The following HS6ST3 variants were observed in gnomAD, a reference collection of about 807,000 sequenced individuals.
The protein encoded by HS6ST3 is heparan-sulfate 6-O-sulfotransferase 3.
HS6ST3 carries 12 observed loss-of-function variants against 36.7 expected under a neutral mutation model. That is an observed-to-expected ratio of 0.33 (90% CI 0.21 to 0.53). The LOEUF is 0.53. Ranked by LOEUF, HS6ST3 falls within the 20% of genes least tolerant of loss-of-function variation. HS6ST3 has a pLI of 0.95. For missense variants in HS6ST3, 584 were observed against 640.9 expected, an observed-to-expected ratio of 0.91 and a Z score of 0.96; for synonymous variants, 240 against 257.5, an observed-to-expected ratio of 0.93 and a Z score of 0.65.
chr13:96,592,573 TC>T (rs2138976368), intron 1 of HS6ST3, among the ~76,000 whole-genome samples: 1 of 152,312 alleles, frequency 6.6e-6, no homozygotes, highest in Admixed American at 6.5e-5. Context: ...ACTAAAATAC[TC>T]CCTTTAGCAT....
chr13:96,358,725 T>C (rs1033399108), intron 1 of HS6ST3, among the ~76,000 whole-genome samples: 1 of 152,172 alleles, frequency 6.6e-6, no homozygotes, highest in East Asian at 1.9e-4. Flanking sequence ...TATCAGTTTA[T>C]ATATTGAATT....
intron 1 of HS6ST3, among the ~76,000 whole-genome samples, chr13:96,657,004 A>T (rs1240686061): frequency 4.1e-5 from 6 of 147,766 alleles, no homozygotes; most frequent in African/African-American, 1.5e-4. Flanking sequence ...TGTGTGAGAG[A>T]GAGAGAGAGA....
intron 1 of HS6ST3, among the ~76,000 whole-genome samples, chr13:96,776,025 G>A (rs1332083663): frequency 6.6e-6 from 1 of 152,104 alleles, no homozygotes; most frequent in Non-Finnish European, 1.5e-5. Flanking sequence ...TAGAACTCAG[G>A]ATTAAGAAAT....
intron 1 of HS6ST3, among the ~76,000 whole-genome samples, chr13:96,435,549 T>C (rs1594779676): frequency 6.6e-6 from 1 of 152,312 alleles, no homozygotes; most frequent in African/African-American, 2.4e-5. Context: ...AACAAATAAC[T>C]TAGGGCCATT....
chr13:96,642,867 A>G (rs1243378434), intron 1 of HS6ST3, among the ~76,000 whole-genome samples: 1 of 151,952 alleles, frequency 6.6e-6, no homozygotes, highest in East Asian at 1.9e-4. Context: ...ACTGATTTAA[A>G]GTCTTTGTAG....
chr13:96,523,569 CA>C (rs2056102161), intron 1 of HS6ST3, among the ~76,000 whole-genome samples: 1 of 152,036 alleles, frequency 6.6e-6, no homozygotes, highest in East Asian at 1.9e-4. Flanking sequence ...CATTTCCTTT[CA>C]CTCTTTTTTT....
chr13:96,765,085 G>A (rs1205294426), intron 1 of HS6ST3, among the ~76,000 whole-genome samples: 2 of 24,126 alleles, frequency 8.3e-5, no homozygotes, highest in Admixed American at 4.5e-4. Context: ...TTTTTTTTTT[G>A]AGACGGAGTC....
chr13:96,578,137 C>T (rs1485169161), intron 1 of HS6ST3, among the ~76,000 whole-genome samples: 1 of 152,202 alleles, frequency 6.6e-6, no homozygotes, highest in African/African-American at 2.4e-5. Context: ...TCCTCCCACA[C>T]AAGTCCAGCA....
intron 1 of HS6ST3, among the ~76,000 whole-genome samples, chr13:96,341,448 A>T (rs1197989139): frequency 6.6e-6 from 1 of 152,198 alleles, no homozygotes; most frequent in Admixed American, 6.5e-5. Flanking sequence ...CCATATATAA[A>T]TCAATAATTT....
At chr13:96,770,386 A>G (rs547642848) in intron 1 of HS6ST3, among the ~76,000 whole-genome samples, 26 of 152,312 alleles carry the variant, frequency 1.7e-4, no homozygotes, top group South Asian at 4.1e-4. Flanking sequence ...ATTTTTTTAA[A>G]TGACTAGAAA....
At chr13:96,535,124 A>G (rs1207802733) in intron 1 of HS6ST3, among the ~76,000 whole-genome samples, 2 of 152,148 alleles carry the variant, frequency 1.3e-5, no homozygotes, top group African/African-American at 2.4e-5. Flanking sequence ...ATAATGTGGA[A>G]ATAGAAGTGT....
chr13:96,476,448 C>T (rs112072291), intron 1 of HS6ST3, among the ~76,000 whole-genome samples: 2,713 of 152,192 alleles, frequency 0.018, 67 homozygotes, highest in Admixed American at 0.062. Flanking sequence ...CTGCAACCTC[C>T]GCCTCCCAGG....
intron 1 of HS6ST3, among the ~76,000 whole-genome samples, chr13:96,222,069 T>C (rs770464046): frequency 1.7e-4 from 26 of 152,186 alleles, no homozygotes; most frequent in Non-Finnish European, 5.9e-5. Flanking sequence ...GATGATGAAA[T>C]TGACAGTGTG....
At chr13:96,249,839 T>C (rs2054599717) in intron 1 of HS6ST3, among the ~76,000 whole-genome samples, 1 of 152,142 alleles carries the variant, frequency 6.6e-6, no homozygotes, top group Non-Finnish European at 1.5e-5. Flanking sequence ...ATAAGCCAGA[T>C]GCAAAATGAC....
At position 96,475,612 on chromosome 13, in the gene HS6ST3, CA is replaced by C. The variant is rs1251970502; in HGVS notation, c.708-356860del. Among the ~76,000 whole-genome samples, 289 of 91,552 alleles carry C rather than the reference CA, an allele frequency of 3.2e-3. 2 individuals are homozygous for C. The highest frequency in any genetic ancestry group is 0.021 in the Middle Eastern group (3 of 142). The allele number at this position is 91,552 out of a possible 152,430, so 60.1% of individuals were successfully genotyped here. A position where few individuals can be genotyped will look rare whatever the true frequency, so the allele number is the denominator to read the frequency against. ...GCTGCATTACCCAGCGGAGTACTAC[CA>C]AAAAAAAAAAAAAAAAAGAAAAGAA... On this transcript the variant is annotated intron_variant, in intron 1 of 1. Transcript: ENST00000376705.
intron 1 of HS6ST3, among the ~76,000 whole-genome samples, chr13:96,288,528 A>G (rs1465311055): frequency 6.6e-6 from 1 of 152,150 alleles, no homozygotes; most frequent in Non-Finnish European, 1.5e-5. Flanking sequence ...AATTTGCTGT[A>G]TCAACAAATT....
At chr13:96,390,490 A>G (rs958922189) in intron 1 of HS6ST3, among the ~76,000 whole-genome samples, 15 of 152,200 alleles carry the variant, frequency 9.9e-5, no homozygotes, top group African/African-American at 3.1e-4. Context: ...CAGTGTGTCT[A>G]CCAGTCCCTT....
intron 1 of HS6ST3, among the ~76,000 whole-genome samples, chr13:96,539,209 TTC>T (rs991733102): frequency 3.3e-5 from 5 of 152,258 alleles, no homozygotes; most frequent in Non-Finnish European, 5.9e-5. Flanking sequence ...AGAAAACACT[TTC>T]TGTCAGTTTA....
At chr13:96,583,936 C>A (rs1322060959) in intron 1 of HS6ST3, among the ~76,000 whole-genome samples, 1 of 152,140 alleles carries the variant, frequency 6.6e-6, no homozygotes, top group Non-Finnish European at 1.5e-5. Flanking sequence ...GAACTAGCTG[C>A]CTTATTAGTG....
Sources: allele counts gnomAD v4.1 joint callset (sites outside exome capture counted in the v4.1 genomes callset), GRCh38; gene constraint gnomAD v4.1.1; transcripts MANE v1.5; gene names NCBI Gene and HGNC (gene_info 2026-07-23, HGNC 2026-07-21).